Variants in SPINK5 observed in about 807,000 individuals in gnomAD.
SPINK5 encodes the protein serine protease inhibitor Kazal-type 5.
A neutral mutation model predicts 151.8 loss-of-function variants in SPINK5; 125 were observed. That is an observed-to-expected ratio of 0.82 (90% confidence interval 0.71 to 0.96). SPINK5 has a LOEUF of 0.96. SPINK5 is among the 40% of genes least tolerant of loss of function. The probability of loss-of-function intolerance (pLI) is 0.00; values close to 1 mark genes in which losing one functional copy is unlikely to be tolerated. For missense variants in SPINK5, 1,194 were observed against 1,291.9 expected, an observed-to-expected ratio of 0.92 and a Z score of 1.16; for synonymous variants, 374 against 395.3, an observed-to-expected ratio of 0.95 and a Z score of 0.64.
intron 24 of SPINK5, 92 bp from the exon 25 acceptor site, chr5:148,119,917 C>T (rs1382228259): frequency 6.8e-7 from 1 of 1,468,182 alleles, no homozygotes. Context: ...TACATGGCTG[C>T]CTGACTCTTG....
chr5:148,083,435 C>T (rs1044971766), intron 4 of SPINK5, among the ~76,000 whole-genome samples: 2 of 151,032 alleles, frequency 1.3e-5, no homozygotes, highest in African/African-American at 4.8e-5. Flanking sequence ...TATAGTGAGA[C>T]TTGGTTCTTT....
intron 10 of SPINK5, 73 bp from the exon 11 acceptor site, chr5:148,097,794 T>C: frequency 2.0e-6 from 3 of 1,488,042 alleles, no homozygotes; most frequent in Non-Finnish European, 2.8e-6. Flanking sequence ...TCTTTTTTCT[T>C]TGTAAAATAA....
chr5:148,088,509 T>G, intron 5 of SPINK5, 33 bp from the exon 6 acceptor site: 1 of 1,600,512 alleles, frequency 6.2e-7, no homozygotes, highest in Non-Finnish European at 8.6e-7. Context: ...TCTGTGATAT[T>G]AAACTGCTGT....
chr5:148,106,246 T>C (rs898462802), intron 16 of SPINK5, among the ~76,000 whole-genome samples: 1 of 152,140 alleles, frequency 6.6e-6, no homozygotes, highest in Non-Finnish European at 1.5e-5. Flanking sequence ...ATCAATTTAC[T>C]CCCAGAAATA....
chr5:148,092,197 C>T (rs1251697391), intron 8 of SPINK5, among the ~76,000 whole-genome samples: 1 of 151,866 alleles, frequency 6.6e-6, no homozygotes, highest in Non-Finnish European at 1.5e-5. Context: ...CTTATGTTTT[C>T]CTAAAGGAAG....
At chr5:148,131,504 T>C in intron 31 of SPINK5, 115 bp downstream of exon 31, 2 of 1,453,614 alleles carry the variant, frequency 1.4e-6, no homozygotes, top group Non-Finnish European at 9.5e-7. Flanking sequence ...AATTTATTCA[T>C]CATAGAAGTT....
rs121908387 is a variant in SPINK5 at position 148,120,063 on chromosome 5, C to T, written c.2368C>T (p.Arg790Ter). 21 of 1,613,924 alleles carry T rather than the reference C, an allele frequency of 1.3e-5. No homozygotes were observed. Among genetic ancestry groups the T allele is most frequent in the East Asian group, 4.5e-5 (2 of 44,874 alleles). ...QMKNGKLICTRESDPVRGPDG... is the reference protein window; with the variant it reads ...QMKNGKLICT ...GAAAAATGGAAAACTCATCTGCACT[C>T]GAGAAAGTGACCCTGTCCGGGGTCC... The change falls in exon 25 of 33, where the codon CGA becomes TGA. Residue 790 changes from arginine to a stop codon, truncating the protein, a stop_gained. Coordinates refer to ENST00000256084, the MANE Select transcript of SPINK5 (RefSeq NM_006846.4). LOFTEE classifies it high-confidence loss of function.
At chr5:148,127,948 A>C in intron 30 of SPINK5, among the ~76,000 whole-genome samples, 1 of 151,978 alleles carries the variant, frequency 6.6e-6, no homozygotes, top group Middle Eastern at 3.4e-3. Flanking sequence ...TAGAGCCTTC[A>C]CAAGATGAGG....
intron 3 of SPINK5, among the ~76,000 whole-genome samples, chr5:148,070,830 T>C (rs1236010344): frequency 2.0e-5 from 3 of 152,130 alleles, no homozygotes; most frequent in Non-Finnish European, 4.4e-5. Flanking sequence ...GCCTAGGGAC[T>C]GAGAAGATTG....
At chr5:148,102,928 A>G (rs1753686144) in intron 15 of SPINK5, among the ~76,000 whole-genome samples, 1 of 152,054 alleles carries the variant, frequency 6.6e-6, no homozygotes, top group Admixed American at 6.6e-5. Context: ...CTTTAGGATG[A>G]ATGTCATGGT....
chr5:148,087,484 ACT>A (rs1175013894), intron 5 of SPINK5, among the ~76,000 whole-genome samples: 1 of 151,728 alleles, frequency 6.6e-6, no homozygotes, highest in East Asian at 2.0e-4. Flanking sequence ...GCATTAAAAC[ACT>A]CTCATCTTTT....
At chr5:148,097,253 T>C (rs958565731) in intron 10 of SPINK5, among the ~76,000 whole-genome samples, 5 of 152,020 alleles carry the variant, frequency 3.3e-5, no homozygotes, top group African/African-American at 1.2e-4. Flanking sequence ...TTTATAATTT[T>C]CCCATTGCCT....
intron 4 of SPINK5, among the ~76,000 whole-genome samples, chr5:148,074,528 T>C (rs908904850): frequency 4.5e-4 from 68 of 151,992 alleles, no homozygotes; most frequent in African/African-American, 1.6e-3. Flanking sequence ...TCCCTCTTTT[T>C]TCAGATTCAT....
intron 4 of SPINK5, among the ~76,000 whole-genome samples, chr5:148,083,835 A>G (rs1265956718): frequency 2.0e-5 from 3 of 151,260 alleles, no homozygotes; most frequent in Non-Finnish European, 4.4e-5. Context: ...TTCCTTTTTT[A>G]GAAAAATTGT....
chr5:148,094,496 G>T lies in SPINK5; in HGVS notation c.794+15G>T, dbSNP rs1753403656. ...GCTGAAATTTTGTGAGTATAGAAGT[G>T]GTTTTTTCAGAGTGATTCAAAGGGT... On this transcript the variant is annotated intron_variant, in intron 9 of 32. Transcript: ENST00000256084. 6.2e-7 allele frequency: 1 copy of T among 1,611,800 alleles called. No individual in the cohort carries two copies. Among genetic ancestry groups the T allele is most frequent in the Non-Finnish European group, 8.5e-7 (1 of 1,178,586 alleles).
At chr5:148,124,204 A>G (rs555962133) in intron 27 of SPINK5, among the ~76,000 whole-genome samples, 1 of 152,322 alleles carries the variant, frequency 6.6e-6, no homozygotes, top group Non-Finnish European at 1.5e-5. Context: ...GTAACCTGGG[A>G]CAGGCCAGTT....
At chr5:148,123,053 T>G (rs1754315148) in intron 26 of SPINK5, among the ~76,000 whole-genome samples, 1 of 151,802 alleles carries the variant, frequency 6.6e-6, no homozygotes, top group Non-Finnish European at 1.5e-5. Context: ...AAAATGGTAT[T>G]AAAATGAGAT....
chr5:148,096,782 CT>C (rs1213979037), intron 10 of SPINK5, among the ~76,000 whole-genome samples: 1 of 88,182 alleles, frequency 1.1e-5, no homozygotes. Context: ...TTCTTTCTTT[CT>C]TTTTTTTCTC....
At chr5:148,122,839 C>T (rs6894572) in intron 26 of SPINK5, among the ~76,000 whole-genome samples, 84,082 of 149,854 alleles carry the variant, frequency 0.56, 24,305 homozygotes, top group Admixed American at 0.65. Flanking sequence ...ATCTATTAAA[C>T]CACACGATAA....
Sources: allele counts gnomAD v4.1 joint callset (sites outside exome capture counted in the v4.1 genomes callset), GRCh38; gene constraint gnomAD v4.1.1; transcripts MANE v1.5; gene names NCBI Gene and HGNC (gene_info 2026-07-23, HGNC 2026-07-21).